VPS53: variants seen among roughly 807,000 people sequenced by gnomAD.
VPS53 encodes vacuolar protein sorting-associated protein 53 homolog.
VPS53 carries 70 observed loss-of-function variants against 107.0 expected under a neutral mutation model. That is an observed-to-expected ratio of 0.65 (90% CI 0.54 to 0.80). VPS53 has a LOEUF of 0.80. VPS53 is among the 30% of genes least tolerant of loss of function. The pLI is 0.00. For missense variants in VPS53, 917 were observed against 1,049.4 expected (o/e 0.87, Z 1.74); for synonymous variants, 409 against 393.3 (o/e 1.04, Z -0.47).
At chr17:699,789 A>G (rs192199931) in intron 2 of VPS53, among the ~76,000 whole-genome samples, 1 of 152,348 alleles carries the variant, frequency 6.6e-6, no homozygotes, top group Admixed American at 6.5e-5. Flanking sequence ...TACAGCAACA[A>G]AAATGAATGA....
At chr17:635,521 T>C (rs972024983) in intron 7 of VPS53, among the ~76,000 whole-genome samples, 6 of 152,240 alleles carry the variant, frequency 3.9e-5, no homozygotes, top group Non-Finnish European at 8.8e-5. Context: ...AGGGTTTTTA[T>C]GGTTTTAGGT....
At chr17:668,193 G>C (rs926550900) in intron 4 of VPS53, among the ~76,000 whole-genome samples, 1 of 152,068 alleles carries the variant, frequency 6.6e-6, no homozygotes, top group African/African-American at 2.4e-5. Context: ...GGTTTACCGG[G>C]GACACGCTGC....
chr17:678,505 C>T (rs913181304), intron 4 of VPS53, among the ~76,000 whole-genome samples: 24 of 151,926 alleles, frequency 1.6e-4, no homozygotes, highest in African/African-American at 5.8e-4. Flanking sequence ...CTCGCTCTGT[C>T]GCCTAGGCTG....
intron 17 of VPS53, among the ~76,000 whole-genome samples, chr17:544,490 T>C (rs1911032646): frequency 1.3e-5 from 2 of 152,200 alleles, no homozygotes; most frequent in South Asian, 4.1e-4. Flanking sequence ...TCACTCTCTC[T>C]GTATGGCATG....
chr17:574,770 A>G (rs1914460592), intron 13 of VPS53, among the ~76,000 whole-genome samples: 1 of 152,180 alleles, frequency 6.6e-6, no homozygotes, highest in Admixed American at 6.5e-5. Context: ...CTCAAAAATA[A>G]ATAAATAAAA....
intron 7 of VPS53, among the ~76,000 whole-genome samples, chr17:633,156 T>G (rs1443173343): frequency 6.6e-6 from 1 of 152,144 alleles, no homozygotes; most frequent in East Asian, 1.9e-4. Flanking sequence ...CTATGGATCA[T>G]ACCCCACGAT....
Position 513,288 on chromosome 17 carries a change from C to A in VPS53, c.*5840G>T, listed in dbSNP as rs990769503. ...TCCAACATGCAGGCAGAAATCACTTCCAGATGGAGAAAATGAAAGCTATTT... is the reference window on the plus strand; with the variant it reads ...TCCAACATGCAGGCAGAAATCACTTACAGATGGAGAAAATGAAAGCTATTT... On this transcript the variant is annotated 3_prime_UTR_variant, in exon 22 of 22. Transcript: ENST00000437048. The A allele has an allele frequency of 1.3e-5, 2 of 152,158 alleles. No homozygotes were observed. The highest frequency in any genetic ancestry group is 4.8e-5 in the African/African-American group (2 of 41,440). The allele number at this position is 152,158 out of a possible 1,614,324, so 9.4% of individuals were successfully genotyped here. A position where few individuals can be genotyped will look rare whatever the true frequency, so the allele number is the denominator to read the frequency against.
At chr17:618,354 C>T (rs2143017529) in intron 11 of VPS53, among the ~76,000 whole-genome samples, 1 of 104,350 alleles carries the variant, frequency 9.6e-6, no homozygotes, top group African/African-American at 3.1e-5. Context: ...GGGTGCACCA[C>T]CACGCCCCAC....
At chr17:527,769 C>T (rs950864990) in intron 19 of VPS53, among the ~76,000 whole-genome samples, 1 of 152,120 alleles carries the variant, frequency 6.6e-6, no homozygotes, top group African/African-American at 2.4e-5. Flanking sequence ...ACGTGCCACA[C>T]TTGGCTAATT....
At chr17:681,687 A>C (rs1433788777) in intron 4 of VPS53, among the ~76,000 whole-genome samples, 1 of 152,176 alleles carries the variant, frequency 6.6e-6, no homozygotes, top group Non-Finnish European at 1.5e-5. Flanking sequence ...CAAATACTTT[A>C]AACTGGGTAA....
In VPS53 at chr17:529,864, T is replaced by A. The variant is rs1189167408; in HGVS notation, c.2085+2978A>T. ...GAGACACAGGGAGGCAGACCCTATA[T>A]CTACCAAAAAAAAAAAAAAAGAGCC... On this transcript the variant is annotated intron_variant, in intron 19 of 21. Transcript: ENST00000437048. Among the ~76,000 whole-genome samples, 15 of 136,650 alleles carry A rather than the reference T, an allele frequency of 1.1e-4. 1 individual carries two copies. Among genetic ancestry groups the A allele is most frequent in the Admixed American group, 1.1e-3 (15 of 13,892 alleles). 89.6% of individuals were successfully genotyped at this position (136,650 alleles called of 152,430 possible). A position where few individuals can be genotyped will look rare whatever the true frequency, so the allele number is the denominator to read the frequency against.
chr17:542,399 C>T (rs1296691730), intron 17 of VPS53, among the ~76,000 whole-genome samples: 1 of 152,062 alleles, frequency 6.6e-6, no homozygotes, highest in Admixed American at 6.6e-5. Context: ...AAGGGGTGAC[C>T]GGGACAAGTC....
intron 14 of VPS53, among the ~76,000 whole-genome samples, chr17:561,512 G>A (rs897380214): frequency 1.3e-5 from 2 of 152,192 alleles, no homozygotes; most frequent in Non-Finnish European, 2.9e-5. Context: ...CCCCAATTCC[G>A]TGACACAAAC....
chr17:582,007 C>T (rs1210887834), intron 13 of VPS53, among the ~76,000 whole-genome samples: 8 of 151,890 alleles, frequency 5.3e-5, no homozygotes, highest in Non-Finnish European at 1.2e-4. Context: ...TAATGCGTTC[C>T]CAGAGAACCT....
chr17:605,642 T>C (rs1237450073), intron 11 of VPS53, among the ~76,000 whole-genome samples: 2 of 122,080 alleles, frequency 1.6e-5, no homozygotes, highest in Non-Finnish European at 3.3e-5. Flanking sequence ...TCCCATCATA[T>C]TGGTGAGTCA....
chr17:672,151 C>CACACAA (rs774752654), intron 4 of VPS53, among the ~76,000 whole-genome samples: 2 of 140,468 alleles, frequency 1.4e-5, no homozygotes, highest in African/African-American at 5.3e-5. Context: ...CACACACACA[C>CACACAA]AATCTCTCTC....
At position 514,227 on chromosome 17, in the gene VPS53, C is replaced by A. The variant is rs1908131968; in HGVS notation, c.*4901G>T. 1.2e-5 allele frequency: 1 copy of A among 82,626 alleles called. No individual in the cohort carries two copies. Among genetic ancestry groups the A allele is most frequent in the Non-Finnish European group, 2.0e-5 (1 of 50,784 alleles). The allele number at this position is 82,626 out of a possible 1,614,324, so 5.1% of individuals were successfully genotyped here. A position where few individuals can be genotyped will look rare whatever the true frequency, so the allele number is the denominator to read the frequency against. ...CGAGTGCTCTTCCTAGCGAAGGAACCCCATTTCCAGCAGGTTATTCCGAGT... is the reference window on the plus strand; with the variant it reads ...CGAGTGCTCTTCCTAGCGAAGGAACACCATTTCCAGCAGGTTATTCCGAGT... On this transcript the variant is annotated 3_prime_UTR_variant, in exon 22 of 22. Transcript: ENST00000437048.
chr17:697,392 G>A, intron 4 of VPS53, 26 bp downstream of exon 4: 1 of 1,600,020 alleles, frequency 6.2e-7, no homozygotes, highest in Non-Finnish European at 8.6e-7. Flanking sequence ...GGGAGCATAG[G>A]TAATATGGAG....
intron 7 of VPS53, chr17:632,890 T>C (rs1379542324): frequency 5.0e-6 from 2 of 400,812 alleles, no homozygotes; most frequent in Admixed American, 3.1e-5. Flanking sequence ...AACAAATAAA[T>C]GAAAAGAATG....
Sources: allele counts gnomAD v4.1 joint callset (sites outside exome capture counted in the v4.1 genomes callset), GRCh38; gene constraint gnomAD v4.1.1; transcripts MANE v1.5; gene names NCBI Gene and HGNC (gene_info 2026-07-23, HGNC 2026-07-21).